Variants in COX7B2 observed in about 807,000 individuals in gnomAD.
COX7B2 encodes cytochrome c oxidase subunit 7B2, mitochondrial.
For synonymous variants in COX7B2, 37 were observed against 32.1 expected, an observed-to-expected ratio of 1.15 and a Z score of -0.51; for missense variants, 109 against 95.9, an observed-to-expected ratio of 1.14 and a Z score of -0.57.
At chr4:46,757,504 T>A (rs1411000939) in intron 2 of COX7B2, among the ~76,000 whole-genome samples, 1 of 152,148 alleles carries the variant, frequency 6.6e-6, no homozygotes, top group Non-Finnish European at 1.5e-5. Context: ...TTCTCTGCTC[T>A]GCTAACGCCC....
intron 2 of COX7B2, among the ~76,000 whole-genome samples, chr4:46,831,139 G>A (rs1021904284): frequency 6.6e-6 from 1 of 152,148 alleles, no homozygotes; most frequent in Non-Finnish European, 1.5e-5. Flanking sequence ...GGGAGTGGCC[G>A]GCCGGCCTGC....
intron 2 of COX7B2, among the ~76,000 whole-genome samples, chr4:46,743,798 T>A (rs1249940101): frequency 6.6e-6 from 1 of 152,168 alleles, no homozygotes; most frequent in Non-Finnish European, 1.5e-5. Context: ...CAGATTAGTG[T>A]TTTGCAGAAC....
At chr4:46,742,405 C>G (rs1714770199) in intron 2 of COX7B2, among the ~76,000 whole-genome samples, 1 of 152,096 alleles carries the variant, frequency 6.6e-6, no homozygotes, top group African/African-American at 2.4e-5. Flanking sequence ...TATTTGTCAG[C>G]AGATGATGAT....
chr4:46,802,366 C>T (rs989428741), intron 2 of COX7B2, among the ~76,000 whole-genome samples: 2 of 152,092 alleles, frequency 1.3e-5, no homozygotes, highest in East Asian at 3.9e-4. Flanking sequence ...CCTGGAAGGT[C>T]TCTTTTGATA....
chr4:46,807,277 C>A (rs1719052060), intron 2 of COX7B2, among the ~76,000 whole-genome samples: 1 of 151,808 alleles, frequency 6.6e-6, no homozygotes, highest in African/African-American at 2.4e-5. Flanking sequence ...TTATGTTGAG[C>A]ACTTTTCATA....
chr4:46,790,768 C>G (rs1717999151), intron 2 of COX7B2, among the ~76,000 whole-genome samples: 1 of 152,134 alleles, frequency 6.6e-6, no homozygotes, highest in Non-Finnish European at 1.5e-5. Flanking sequence ...ACTGGATAAA[C>G]CCGATTCACA....
At chr4:46,815,609 C>A (rs1719511494) in intron 2 of COX7B2, among the ~76,000 whole-genome samples, 1 of 151,782 alleles carries the variant, frequency 6.6e-6, no homozygotes, top group Non-Finnish European at 1.5e-5. Flanking sequence ...CCTACAGCTG[C>A]AGAAATGCAG....
Position 46,746,275 on chromosome 4 carries a change from G to A in COX7B2, c.-49-11034C>T, listed in dbSNP as rs113264819. ...GTGAATGGCAAATAGTAAATACACAGAACCCAATACTCCTTTCCTGGCTTT... is the reference window on the plus strand; with the variant it reads ...GTGAATGGCAAATAGTAAATACACAAAACCCAATACTCCTTTCCTGGCTTT... On this transcript the variant is annotated intron_variant, in intron 2 of 2. Transcript: ENST00000355591. 4.4e-3 allele frequency among the ~76,000 whole-genome samples: 670 copies of A among 152,278 alleles called. 9 individuals are homozygous for A. The highest frequency in any genetic ancestry group is 0.016 in the African/African-American group (644 of 41,544).
chr4:46,781,408 A>T (rs971387756), intron 2 of COX7B2, among the ~76,000 whole-genome samples: 20 of 152,230 alleles, frequency 1.3e-4, no homozygotes, highest in Non-Finnish European at 2.9e-4. Flanking sequence ...GAGTCATCTG[A>T]TACACCTTCC....
At chr4:46,830,561 G>A (rs1400792208) in intron 2 of COX7B2, among the ~76,000 whole-genome samples, 8 of 152,142 alleles carry the variant, frequency 5.3e-5, no homozygotes, top group Admixed American at 4.6e-4. Context: ...ATATGAAAAT[G>A]TATTCTAGAC....
chr4:46,875,716 T>C (rs1477964288), intron 1 of COX7B2, among the ~76,000 whole-genome samples: 1 of 151,928 alleles, frequency 6.6e-6, no homozygotes, highest in African/African-American at 2.4e-5. Flanking sequence ...TCTGCTTCCA[T>C]CAGGACACAT....
At chr4:46,822,152 C>T (rs1714343776) in intron 2 of COX7B2, among the ~76,000 whole-genome samples, 1 of 152,186 alleles carries the variant, frequency 6.6e-6, no homozygotes, top group African/African-American at 2.4e-5. Context: ...ACCTCGTGAT[C>T]CGTCTGCCCC....
At chr4:46,897,564 G>C (rs1360639816) in intron 1 of COX7B2, among the ~76,000 whole-genome samples, 2 of 152,146 alleles carry the variant, frequency 1.3e-5, no homozygotes, top group African/African-American at 4.8e-5. Context: ...TAACTAGTCT[G>C]TTATTGTTCT....
chr4:46,747,483 T>C (rs2109418951), intron 2 of COX7B2, among the ~76,000 whole-genome samples: 1 of 151,934 alleles, frequency 6.6e-6, no homozygotes, highest in South Asian at 2.1e-4. Flanking sequence ...TTTGTATTTT[T>C]AATAGAGACG....
intron 1 of COX7B2, chr4:46,876,740 A>T (rs1718366239): frequency 6.6e-6 from 1 of 152,152 alleles, no homozygotes; most frequent in East Asian, 1.9e-4. Context: ...TTCATTTTCT[A>T]AAACAAGAAT....
At chr4:46,881,666 G>A (rs1335726268) in intron 1 of COX7B2, among the ~76,000 whole-genome samples, 1 of 152,012 alleles carries the variant, frequency 6.6e-6, no homozygotes, top group Non-Finnish European at 1.5e-5. Context: ...CTACTAAGGA[G>A]ACTGAGGATC....
At chr4:46,895,998 G>A (rs1288656032) in intron 1 of COX7B2, among the ~76,000 whole-genome samples, 1 of 152,088 alleles carries the variant, frequency 6.6e-6, no homozygotes, top group Non-Finnish European at 1.5e-5. Flanking sequence ...GAGGGGAGAG[G>A]AAAACCAAGG....
intron 2 of COX7B2, among the ~76,000 whole-genome samples, chr4:46,812,872 C>T (rs1192384552): frequency 6.6e-6 from 1 of 152,192 alleles, no homozygotes; most frequent in African/African-American, 2.4e-5. Context: ...CTTAGAGGTA[C>T]AGCTGCTTCA....
chr4:46,800,469 A>G (rs1718597444), intron 2 of COX7B2, among the ~76,000 whole-genome samples: 1 of 152,054 alleles, frequency 6.6e-6, no homozygotes, highest in South Asian at 2.1e-4. Context: ...ACACCATCTG[A>G]TCATCAACAA....
Sources: gnomAD v4.1 joint callset for allele counts (sites outside exome capture counted in the v4.1 genomes callset) on GRCh38, gnomAD v4.1.1 for gene constraint, MANE v1.5 for transcripts, NCBI Gene and HGNC (gene_info 2026-07-23, HGNC 2026-07-21) for gene names.